GARIN2: variants seen among roughly 807,000 people sequenced by gnomAD.
GARIN2 encodes golgi associated RAB2 interactor family member 2.
At chr14:67,194,461 C>T in the GARIN2 span, among the ~76,000 whole-genome samples, 3 of 151,790 alleles carry the variant, frequency 2.0e-5, no homozygotes, top group African/African-American at 7.3e-5. Flanking sequence ...GTGCTGTGGC[C>T]AAAATGATGG....
the GARIN2 span, among the ~76,000 whole-genome samples, chr14:67,193,954 C>CAAAAAAAAAACAAAAAAAAAAAAAAA: frequency 3.5e-5 from 3 of 85,724 alleles, no homozygotes; most frequent in African/African-American, 1.2e-4. Context: ...CAAAAAAAAA[C>CAAAAAAAAAACAAAAAAAAAAAAAAA]AAAAAAAAAA....
the GARIN2 span, among the ~76,000 whole-genome samples, chr14:67,193,223 TATATCTCTATATA>T: frequency 7.2e-6 from 1 of 139,608 alleles, no homozygotes; most frequent in African/African-American, 2.6e-5. Context: ...CATCTATCTA[TATATCTCTATATA>T]GACATCTATC....
chr14:67,210,589 ATATT>A, the GARIN2 span, among the ~76,000 whole-genome samples: 1 of 152,080 alleles, frequency 6.6e-6, no homozygotes, highest in Non-Finnish European at 1.5e-5. Context: ...AAAGGAATAA[ATATT>A]TGTTGTAGCT....
At chr14:67,198,771 C>T in the GARIN2 span, among the ~76,000 whole-genome samples, 1 of 152,176 alleles carries the variant, frequency 6.6e-6, no homozygotes, top group African/African-American at 2.4e-5. Flanking sequence ...AATGTCCCTA[C>T]ATTATGAATG....
At chr14:67,223,999 T>C in the GARIN2 span, 61 of 983,540 alleles carry the variant, frequency 6.2e-5, no homozygotes, top group Non-Finnish European at 7.0e-5. Context: ...CTGCTCCCCA[T>C]AGTAGTAAAA....
At chr14:67,204,753 A>T in the GARIN2 span, 1 of 1,613,850 alleles carries the variant, frequency 6.2e-7, no homozygotes, top group Non-Finnish European at 8.5e-7. Context: ...GTCTCTCAGG[A>T]ATTACGAATA....
At chr14:67,198,272 G>T in the GARIN2 span, 7 of 1,613,920 alleles carry the variant, frequency 4.3e-6, no homozygotes, top group Non-Finnish European at 5.9e-6. Flanking sequence ...ATGGAGGAGA[G>T]TATGCCCCTT....
the GARIN2 span, among the ~76,000 whole-genome samples, chr14:67,193,351 TAG>T: frequency 7.4e-6 from 1 of 134,522 alleles, no homozygotes; most frequent in Non-Finnish European, 1.6e-5. Context: ...TCTATCTATA[TAG>T]AGATATATAA....
chr14:67,208,489 T>A, the GARIN2 span: 1 of 1,584,196 alleles, frequency 6.3e-7, no homozygotes, highest in African/African-American at 1.4e-5. Flanking sequence ...TTCTAAGACA[T>A]GAAATATTAA....
the GARIN2 span, among the ~76,000 whole-genome samples, chr14:67,196,489 TG>T: frequency 1.3e-5 from 2 of 152,220 alleles, no homozygotes; most frequent in African/African-American, 2.4e-5. Context: ...CTTAAAGTGC[TG>T]GGATTATAGG....
the GARIN2 span, chr14:67,208,099 T>C: frequency 6.0e-6 from 9 of 1,498,318 alleles, no homozygotes; most frequent in Non-Finnish European, 8.0e-6. Context: ...GGGTGCTCAG[T>C]GACGATGAAT....
At chr14:67,220,194 G>A in the GARIN2 span, among the ~76,000 whole-genome samples, 1 of 152,138 alleles carries the variant, frequency 6.6e-6, no homozygotes, top group African/African-American at 2.4e-5. Context: ...CCAAAACTTT[G>A]AGAGGCCCAG....
the GARIN2 span, among the ~76,000 whole-genome samples, chr14:67,213,226 C>G: frequency 6.7e-6 from 1 of 149,732 alleles, no homozygotes; most frequent in Non-Finnish European, 1.5e-5. Flanking sequence ...AGGTTAGTTA[C>G]ATATGTATAC....
chr14:67,209,222 G>A, the GARIN2 span, among the ~76,000 whole-genome samples: 1 of 152,166 alleles, frequency 6.6e-6, no homozygotes, highest in Non-Finnish European at 1.5e-5. Flanking sequence ...ATATCTCATG[G>A]AGTGTTTTAT....
chr14:67,193,335 TAG>T, the GARIN2 span, among the ~76,000 whole-genome samples: 1 of 138,948 alleles, frequency 7.2e-6, no homozygotes, highest in Non-Finnish European at 1.6e-5. Context: ...TATCTCTATA[TAG>T]ATATCTATCT....
chr14:67,196,454 T>C, the GARIN2 span, among the ~76,000 whole-genome samples: 4 of 152,194 alleles, frequency 2.6e-5, no homozygotes, highest in Non-Finnish European at 4.4e-5. Flanking sequence ...ACTCCTGACC[T>C]AAGGTGATCT....
chr14:67,206,367 G>A, the GARIN2 span, among the ~76,000 whole-genome samples: 2 of 151,482 alleles, frequency 1.3e-5, no homozygotes, highest in East Asian at 3.9e-4. Flanking sequence ...GTGGTAGTGG[G>A]TGCCTGTAAT....
chr14:67,203,013 C>A, the GARIN2 span: 1 of 1,425,420 alleles, frequency 7.0e-7, no homozygotes, highest in Non-Finnish European at 9.6e-7. Context: ...TTCCTACCCT[C>A]TCTTACACTT....
chr14:67,200,098 C>T, the GARIN2 span: 1 of 1,023,648 alleles, frequency 9.8e-7, no homozygotes, highest in South Asian at 1.5e-5. Context: ...TCCTGGACCT[C>T]CTCCAATGGG....
Sources: gnomAD v4.1 joint callset for allele counts (sites outside exome capture counted in the v4.1 genomes callset) on GRCh38, gnomAD v4.1.1 for gene constraint, MANE v1.5 for transcripts, NCBI Gene and HGNC (gene_info 2026-07-23, HGNC 2026-07-21) for gene names.